Variants in TBC1D1 observed in about 807,000 individuals in gnomAD.
TBC1D1 encodes TBC1 (tre-2/USP6, BUB2, cdc16) domain family, member 1.
In TBC1D1, 89 loss-of-function variants were observed where a neutral mutation model predicts 125.6. The ratio of observed to expected loss-of-function variants is 0.71; its 90% CI spans 0.60 to 0.85. TBC1D1 has a LOEUF of 0.85. Among genes scored for constraint, TBC1D1 ranks in the 40% least tolerant of loss-of-function variants. The probability of loss-of-function intolerance (pLI) is 0.00; values close to 1 mark genes in which losing one functional copy is unlikely to be tolerated. For missense variants in TBC1D1, 1,377 were observed against 1,469.2 expected, an observed-to-expected ratio of 0.94 and a Z score of 1.03; for synonymous variants, 565 against 564.1, an observed-to-expected ratio of 1.00 and a Z score of -0.02.
intron 15 of TBC1D1, among the ~76,000 whole-genome samples, chr4:38,103,984 C>A (rs1479914515): frequency 6.6e-6 from 1 of 151,524 alleles, no homozygotes; most frequent in Admixed American, 6.6e-5. Context: ...ACGGTGAAAC[C>A]CTGTCTCTAC....
chr4:38,018,307 G>A (rs1743256796), intron 3 of TBC1D1, 47 bp from the exon 4 acceptor site: 2 of 1,367,892 alleles, frequency 1.5e-6, no homozygotes, highest in Non-Finnish European at 2.1e-6. Context: ...CATAGGTCAT[G>A]AAATGAGAAA....
intron 13 of TBC1D1, among the ~76,000 whole-genome samples, chr4:38,094,904 C>T (rs1327719256): frequency 3.4e-5 from 5 of 147,570 alleles, no homozygotes; most frequent in African/African-American, 1.3e-4. Flanking sequence ...AAAAAAAAAT[C>T]TAGGGTTGAC....
chr4:37,917,375 T>C (rs1719961394), intron 2 of TBC1D1, among the ~76,000 whole-genome samples: 1 of 152,080 alleles, frequency 6.6e-6, no homozygotes. Context: ...CTCGGGAGGC[T>C]GAGGCACGAG....
rs1352557733 is a variant in TBC1D1, at chr4:38,115,692, T to C, written c.2558-18T>C. The C allele has an allele frequency of 2.5e-6, 4 of 1,605,390 alleles. No individual in the cohort carries two copies. Among genetic ancestry groups the C allele is most frequent in the East Asian group, 2.2e-5 (1 of 44,766 alleles). ...TTTTTGTTTTTATTATTACAACTAA[T>C]ATGTATTCTTTTCACAGGGCGAACC... On this transcript the variant is annotated intron_variant, in intron 15 of 19. Transcript: ENST00000261439.
At chr4:38,074,433 A>G (rs534607995) in intron 12 of TBC1D1, among the ~76,000 whole-genome samples, 1 of 152,348 alleles carries the variant, frequency 6.6e-6, no homozygotes, top group South Asian at 2.1e-4. Context: ...CACAATGACC[A>G]GGCTTGGAAG....
chr4:37,895,382 G>T (rs1216876656), intron 1 of TBC1D1, among the ~76,000 whole-genome samples: 1 of 152,160 alleles, frequency 6.6e-6, no homozygotes. Context: ...AAGAGTATAA[G>T]AAGTGACAGT....
At chr4:38,052,713 C>T (rs576263724) in intron 11 of TBC1D1, among the ~76,000 whole-genome samples, 2 of 39,276 alleles carry the variant, frequency 5.1e-5, no homozygotes, top group South Asian at 1.2e-3. Context: ...TACACACACA[C>T]GCGCGCGCGC....
intron 2 of TBC1D1, among the ~76,000 whole-genome samples, chr4:37,981,218 C>T (rs924485963): frequency 6.6e-6 from 1 of 152,212 alleles, no homozygotes; most frequent in African/African-American, 2.4e-5. Context: ...GTTGGGATTA[C>T]AGGTGTGAGC....
chr4:38,061,257 C>T (rs749805884), intron 12 of TBC1D1, among the ~76,000 whole-genome samples: 12 of 152,064 alleles, frequency 7.9e-5, no homozygotes, highest in Non-Finnish European at 1.6e-4. Flanking sequence ...TTTGTTTTCT[C>T]AGCCGTGGGC....
intron 12 of TBC1D1, among the ~76,000 whole-genome samples, chr4:38,058,321 G>T (rs1239262039): frequency 6.6e-6 from 1 of 152,200 alleles, no homozygotes; most frequent in Admixed American, 6.5e-5. Flanking sequence ...GTCTCCATAT[G>T]TTCCTTCCAG....
At chr4:37,917,681 G>C (rs1720025746) in intron 2 of TBC1D1, among the ~76,000 whole-genome samples, 1 of 152,070 alleles carries the variant, frequency 6.6e-6, no homozygotes, top group Admixed American at 6.6e-5. Flanking sequence ...TGGATGCCGG[G>C]CTTCTCTTTC....
At chr4:38,135,749 A>G (rs58369442) in intron 19 of TBC1D1, among the ~76,000 whole-genome samples, 4,503 of 152,248 alleles carry the variant, frequency 0.03, 133 homozygotes, top group African/African-American at 0.066. Context: ...TGGGTGTTCT[A>G]GTGGCCCAGC....
rs779950187 is a variant in TBC1D1, at chr4:38,137,742, C to T, written c.*407C>T. 4.3e-5 allele frequency: 7 copies of T among 162,512 alleles called. No homozygotes were observed. Among genetic ancestry groups the T allele is most frequent in the East Asian group, 3.5e-4 (2 of 5,662 alleles). The allele number at this position is 162,512 out of a possible 1,614,324, so 10.1% of individuals were successfully genotyped here. A position where few individuals can be genotyped will look rare whatever the true frequency, so the allele number is the denominator to read the frequency against. On this transcript the variant is annotated 3_prime_UTR_variant, in exon 20 of 20. Coordinates refer to ENST00000261439, the MANE Select transcript of TBC1D1 (RefSeq NM_015173.4). ...CAAAGGCGTGGGTCCATCGTTCTTC[C>T]GAGAGGGTTTGTGTGGCGACTACAC...
At chr4:37,911,252 G>T (rs1718572712) in intron 2 of TBC1D1, among the ~76,000 whole-genome samples, 1 of 150,970 alleles carries the variant, frequency 6.6e-6, no homozygotes, top group African/African-American at 2.4e-5. Context: ...AGAGCCATGT[G>T]GGCCACCATT....
intron 2 of TBC1D1, among the ~76,000 whole-genome samples, chr4:37,970,941 G>GC (rs71190935): frequency 0.21 from 32,439 of 151,692 alleles, 3,786 homozygotes; most frequent in African/African-American, 0.31. Context: ...TGCCTCACTG[G>GC]CCCCCCCCAC....
intron 2 of TBC1D1, among the ~76,000 whole-genome samples, chr4:37,911,833 G>A (rs75082469): frequency 0.018 from 2,671 of 152,264 alleles, 84 homozygotes; most frequent in African/African-American, 0.061. Context: ...TGCAAGTCAG[G>A]AAGAAAAAAT....
chr4:37,999,078 G>A (rs1485799030), intron 2 of TBC1D1, among the ~76,000 whole-genome samples: 1 of 151,392 alleles, frequency 6.6e-6, no homozygotes, highest in Non-Finnish European at 1.5e-5. Context: ...GTGAACCCCT[G>A]TTTCCACTAA....
At chr4:37,893,736 G>T (rs1200001592) in intron 1 of TBC1D1, among the ~76,000 whole-genome samples, 2 of 152,190 alleles carry the variant, frequency 1.3e-5, no homozygotes, top group Non-Finnish European at 2.9e-5. Context: ...TGAGACAGGA[G>T]AATCGCTTGA....
At chr4:37,919,086 TA>T (rs58659751) in intron 2 of TBC1D1, among the ~76,000 whole-genome samples, 32 of 143,790 alleles carry the variant, frequency 2.2e-4, no homozygotes, top group South Asian at 6.6e-4. Flanking sequence ...CCCCCATCTT[TA>T]AAAAAAAAAA....
Sources: allele counts gnomAD v4.1 joint callset (sites outside exome capture counted in the v4.1 genomes callset), GRCh38; gene constraint gnomAD v4.1.1; transcripts MANE v1.5; gene names NCBI Gene and HGNC (gene_info 2026-07-23, HGNC 2026-07-21).